SLC5A11: variants seen among roughly 807,000 people sequenced by gnomAD.
SLC5A11 encodes the protein solute carrier family 5 member 11.
Under a neutral mutation model 69.8 loss-of-function variants are expected in SLC5A11, and 48 were observed. The observed-to-expected ratio is 0.69, with a 90% CI of 0.55 to 0.87. The LOEUF is 0.87. Among genes scored for constraint, SLC5A11 ranks in the 40% least tolerant of loss-of-function variants. The pLI, the probability that SLC5A11 is intolerant of heterozygous loss-of-function variation, is 0.00. For missense variants in SLC5A11, 784 were observed against 866.1 expected (o/e 0.91, Z 1.19); for synonymous variants, 319 against 342.4 (o/e 0.93, Z 0.75).
chr16:24,892,049 TAAAAAAAAA>T (rs35705061), intron 9 of SLC5A11, among the ~76,000 whole-genome samples: 3 of 97,060 alleles, frequency 3.1e-5, no homozygotes, highest in African/African-American at 1.1e-4. Context: ...AGACCATCTC[TAAAAAAAAA>T]AAAAAAAAAA....
In SLC5A11 at chr16:24,873,265, G is replaced by GGAAGGAAA. The variant is rs2047444714; in HGVS notation, c.372+1053_372+1054insAGAAGGAA. On this transcript the variant is annotated intron_variant, in intron 5 of 15. Transcript: ENST00000347898. Reference sequence around the variant, plus strand: ...AGGGAGGGAGGAAGGAAGGAAGGAAGGAAGGAAGGAAGGAAGGAAGGAAGG... The same window carrying GGAAGGAAA: ...AGGGAGGGAGGAAGGAAGGAAGGAAGGAAGGAAAGAAGGAAGGAAGGAAGGAAGGAAGG... Among the ~76,000 whole-genome samples the GGAAGGAAA allele has an allele frequency of 2.1e-5, 3 of 143,800 alleles. No homozygotes were observed. In the South Asian group the frequency reaches 7.0e-4, roughly 34 times the overall value. 94.3% of individuals were successfully genotyped at this position (143,800 alleles called of 152,430 possible).
chr16:24,849,593 A>AAAAAAATATATAT, intron 1 of SLC5A11, among the ~76,000 whole-genome samples: 1 of 35,922 alleles, frequency 2.8e-5, no homozygotes, highest in African/African-American at 9.2e-5. Flanking sequence ...AAAAAAAAAA[A>AAAAAAATATATAT]ATATATATAT....
intron 5 of SLC5A11, among the ~76,000 whole-genome samples, chr16:24,872,570 G>T (rs115600196): frequency 6.6e-6 from 1 of 152,016 alleles, no homozygotes; most frequent in Non-Finnish European, 1.5e-5. Flanking sequence ...TTGAGACAGG[G>T]TCTGGCTTTG....
intron 14 of SLC5A11, among the ~76,000 whole-genome samples, chr16:24,909,913 G>A (rs1455968195): frequency 6.6e-6 from 1 of 150,764 alleles, no homozygotes; most frequent in Non-Finnish European, 1.5e-5. Flanking sequence ...GATTTCCATT[G>A]ATGGAGTCAG....
At chr16:24,910,336 G>A (rs536856532) in exon 15 of SLC5A11, 76 of 1,613,924 alleles carry the variant, frequency 4.7e-5, no homozygotes, top group South Asian at 4.3e-4. Context: ...TACTCGTCAC[G>A]ACCCCGTGGT....
intron 10 of SLC5A11, among the ~76,000 whole-genome samples, chr16:24,905,519 A>G (rs888579077): frequency 6.6e-6 from 1 of 152,068 alleles, no homozygotes; most frequent in African/African-American, 2.4e-5. Flanking sequence ...CATGCCTGTA[A>G]TTCCAGCTAC....
intron 8 of SLC5A11, among the ~76,000 whole-genome samples, chr16:24,890,483 C>CAAAAAAAAAAAAA (rs1171814653): frequency 1.3e-5 from 1 of 77,500 alleles, no homozygotes; most frequent in African/African-American, 6.2e-5. Context: ...GACTTCATAT[C>CAAAAAAAAAAAAA]AAAAAAAAAA....
At chr16:24,907,902 G>A (rs1689392790) in intron 12 of SLC5A11, 61 bp from the exon 14 acceptor site, 1 of 1,581,738 alleles carries the variant, frequency 6.3e-7, no homozygotes, top group Admixed American at 1.8e-5. Context: ...GAGACAGAGA[G>A]AGGGAAAGAG....
rs576053290 is a variant in SLC5A11, at chr16:24,866,720, G to T, written c.208-3181G>T. Among the ~76,000 whole-genome samples the T allele has an allele frequency of 8.2e-4, 124 of 152,010 alleles. 1 individual carries two copies. The highest frequency in any genetic ancestry group is 2.7e-3 in the African/African-American group (112 of 41,466). ...ACATACAAACAGTAACCAGAAAAAAGCAGGAGTGGCTATACTAATACCAGA... is the reference window on the plus strand; with the variant it reads ...ACATACAAACAGTAACCAGAAAAAATCAGGAGTGGCTATACTAATACCAGA... On this transcript the variant is annotated intron_variant, in intron 3 of 15. Transcript: ENST00000347898.
exon 11 of SLC5A11, chr16:24,906,716 T>C: frequency 6.2e-7 from 1 of 1,613,802 alleles, no homozygotes; most frequent in East Asian, 2.2e-5. Context: ...CCCCTCAGGC[T>C]GTTCGGACAT....
intron 2 of SLC5A11, among the ~76,000 whole-genome samples, chr16:24,861,512 A>G (rs1039352984): frequency 6.6e-6 from 1 of 151,208 alleles, no homozygotes. Flanking sequence ...AAGGAAAGAA[A>G]GGAAGGAAGG....
intron 15 of SLC5A11, among the ~76,000 whole-genome samples, chr16:24,910,967 A>G (rs1259551943): frequency 6.6e-6 from 1 of 151,996 alleles, no homozygotes; most frequent in Admixed American, 6.6e-5. Flanking sequence ...TCAGGAGTTC[A>G]AGACCAGCCT....
chr16:24,901,950 A>G (rs977646822), intron 10 of SLC5A11, among the ~76,000 whole-genome samples: 7 of 126,276 alleles, frequency 5.5e-5, no homozygotes, highest in Admixed American at 2.4e-4. Flanking sequence ...ACACACACAC[A>G]CACACACGCA....
At chr16:24,906,058 T>C (rs1208548535) in intron 10 of SLC5A11, among the ~76,000 whole-genome samples, 3 of 152,166 alleles carry the variant, frequency 2.0e-5, no homozygotes, top group South Asian at 2.1e-4. Flanking sequence ...TAGGAAATGA[T>C]TCATTAACCA....
chr16:24,895,632 TC>T (rs2049108013), intron 9 of SLC5A11, among the ~76,000 whole-genome samples: 2 of 140,092 alleles, frequency 1.4e-5, no homozygotes, highest in South Asian at 2.8e-4. Context: ...AAGGGACCCC[TC>T]AGTTGGACAG....
chr16:24,847,172 G>A (rs1435356421), intron 1 of SLC5A11, among the ~76,000 whole-genome samples: 1 of 141,642 alleles, frequency 7.1e-6, no homozygotes, highest in Non-Finnish European at 1.6e-5. Flanking sequence ...TCTTTTCTTT[G>A]TTCTTTCTTT....
At chr16:24,887,819 G>A (rs1422905678) in intron 8 of SLC5A11, among the ~76,000 whole-genome samples, 1 of 152,086 alleles carries the variant, frequency 6.6e-6, no homozygotes, top group African/African-American at 2.4e-5. Flanking sequence ...TAATTTGCAA[G>A]TGGCACATAT....
intron 5 of SLC5A11, among the ~76,000 whole-genome samples, chr16:24,873,255 AAGGAAGG>A (rs1567612938): frequency 8.5e-6 from 1 of 117,222 alleles, no homozygotes; most frequent in Non-Finnish European, 1.8e-5. Context: ...GGGAGGAAGG[AAGGAAGG>A]AAGGAAGGAA....
At chr16:24,862,838 C>CA (rs556500624) in intron 3 of SLC5A11, among the ~76,000 whole-genome samples, 166 bp downstream of exon 4, 17 of 145,120 alleles carry the variant, frequency 1.2e-4, no homozygotes, top group African/African-American at 1.8e-4. Context: ...TAAACAACAA[C>CA]AAAAAAAAAC....
Sources: gnomAD v4.1 joint callset for allele counts (sites outside exome capture counted in the v4.1 genomes callset) on GRCh38, gnomAD v4.1.1 for gene constraint, MANE v1.5 for transcripts, NCBI Gene and HGNC (gene_info 2026-07-23, HGNC 2026-07-21) for gene names.